Variants in GSDME observed in about 807,000 individuals in gnomAD.
GSDME encodes the protein gasdermin E, also known as gasdermin-E.
GSDME carries 44 observed loss-of-function variants against 47.5 expected under a neutral mutation model. That is an observed-to-expected ratio of 0.93 (90% CI 0.73 to 1.19). The LOEUF is 1.19. Among genes scored for constraint, GSDME ranks in the 50% most tolerant of loss-of-function variants. The probability of loss-of-function intolerance (pLI) is 0.00; values close to 1 mark genes in which losing one functional copy is unlikely to be tolerated. For missense variants in GSDME, 663 were observed against 604.2 expected, an observed-to-expected ratio of 1.10 and a Z score of -1.02; for synonymous variants, 258 against 252.8, an observed-to-expected ratio of 1.02 and a Z score of -0.20.
chr7:24,709,574 C>G (rs1347082010), intron 6 of GSDME, among the ~76,000 whole-genome samples: 1 of 152,098 alleles, frequency 6.6e-6, no homozygotes, highest in Non-Finnish European at 1.5e-5. Context: ...GTTCCTAGCT[C>G]TTTGTGCTAA....
rs1584067928 is a variant in GSDME, at chr7:24,717,493, C to T, written c.577-119G>A. 2.5e-5 allele frequency: 38 copies of T among 1,491,368 alleles called. 1 individual carries two copies. In the South Asian group the frequency reaches 3.0e-4, roughly 12 times the overall value. The allele number at this position is 1,491,368 out of a possible 1,614,324, so 92.4% of individuals were successfully genotyped here. A position where few individuals can be genotyped will look rare whatever the true frequency, so the allele number is the denominator to read the frequency against. On this transcript the variant is annotated intron_variant, in intron 4 of 9. Transcript: ENST00000645220. ...AGATGCTGAGCAATGTCCACAGAAC[C>T]GAGTGGAACAGAGGAGCCAGCCAGC...
At position 24,716,466 on chromosome 7, in the gene GSDME, TTATTA is replaced by T. The variant is rs1789558293; in HGVS notation, c.697+783_697+787del. On this transcript the variant is annotated intron_variant, in intron 5 of 9. Transcript: ENST00000645220. The surrounding 1 kb of genome is among the most constrained non-coding windows in gnomAD (Gnocchi z 4.5). ...TGTCACACCTAAAAAACTTCACAAT[TTATTA>T]TGTTACATTTACCCACTCATGTCCC... 1 of 152,464 alleles carries T rather than the reference TTATTA, an allele frequency of 6.6e-6. No homozygotes were observed. The highest frequency in any genetic ancestry group is 2.1e-4 in the South Asian group (1 of 4,822). The allele number at this position is 152,464 out of a possible 1,614,324, so 9.4% of individuals were successfully genotyped here.
intron 9 of GSDME, among the ~76,000 whole-genome samples, chr7:24,700,820 G>A (rs1788834519): frequency 6.6e-6 from 1 of 152,190 alleles, no homozygotes; most frequent in Admixed American, 6.5e-5. Flanking sequence ...ACTGGCGCAG[G>A]CTGGAGACTG....
chr7:24,767,947 G>A, the GSDME span, among the ~76,000 whole-genome samples: 4 of 152,112 alleles, frequency 2.6e-5, no homozygotes, highest in African/African-American at 4.8e-5. This position sits in a 1 kb window ranked among gnomAD's most constrained non-coding sequence, Gnocchi z 5.3. Context: ...TGTTGCTACC[G>A]ATCATATAGA....
intron 9 of GSDME, among the ~76,000 whole-genome samples, chr7:24,700,306 C>T (rs998343172): frequency 6.6e-5 from 10 of 152,144 alleles, no homozygotes; most frequent in Non-Finnish European, 4.4e-5. Flanking sequence ...TCAACACATA[C>T]TTGAAATATT....
the GSDME span, among the ~76,000 whole-genome samples, chr7:24,789,057 A>C: frequency 6.6e-6 from 1 of 152,186 alleles, no homozygotes; most frequent in Non-Finnish European, 1.5e-5. Context: ...GGATGCAGAG[A>C]TGTGACTTTA....
At chr7:24,729,856 G>A (rs936247888) in intron 3 of GSDME, among the ~76,000 whole-genome samples, 2 of 152,190 alleles carry the variant, frequency 1.3e-5, no homozygotes, top group Non-Finnish European at 2.9e-5. Context: ...AAGGGGATCC[G>A]ACTGGCTACC....
upstream of GSDME, among the ~76,000 whole-genome samples, chr7:24,759,875 TTA>T (rs1491322566): frequency 6.6e-6 from 1 of 152,220 alleles, no homozygotes; most frequent in Admixed American, 6.5e-5. Context: ...CATAACTTTT[TTA>T]AAAAAATAAT....
intron 6 of GSDME, 87 bp from the exon 7 acceptor site, chr7:24,708,341 C>G: frequency 6.7e-7 from 1 of 1,493,164 alleles, no homozygotes; most frequent in Non-Finnish European, 9.2e-7. Context: ...TATACCTAAT[C>G]GTCATCAGTT....
At chr7:24,743,063 C>T (rs917626616) in intron 3 of GSDME, among the ~76,000 whole-genome samples, 10 of 152,198 alleles carry the variant, frequency 6.6e-5, no homozygotes, top group Admixed American at 4.6e-4. Context: ...AGAAAGTGCC[C>T]GTAGGCAGTA....
chr7:24,761,238 G>T (rs1227371937), upstream of GSDME, among the ~76,000 whole-genome samples: 3 of 152,162 alleles, frequency 2.0e-5, no homozygotes, highest in Admixed American at 6.5e-5. This position sits in a 1 kb window ranked among gnomAD's most constrained non-coding sequence, Gnocchi z 4.4. Context: ...GGAGGGTCCT[G>T]GATAACTTCA....
rs10276520 is a variant in GSDME, at chr7:24,735,276, C to T, written c.404+9286G>A. ...GGACTTCATCAATACCAGATCAGTC[C>T]TACAAGAAATGCTAAAGAGAGTATT... is the stretch of plus-strand genomic sequence containing the variant. On this transcript the variant is annotated intron_variant, in intron 3 of 9. Coordinates refer to ENST00000645220, the MANE Select transcript of GSDME (RefSeq NM_001127453.2). The surrounding 1 kb of genome is among the most constrained non-coding windows in gnomAD (Gnocchi z 4.4). Among the ~76,000 whole-genome samples the T allele has an allele frequency of 0.15, 23,224 of 152,002 alleles. 1,838 individuals are homozygous for T. The highest frequency in any genetic ancestry group is 0.23 in the Middle Eastern group (68 of 294).
chr7:24,729,433 G>A (rs193107778), intron 3 of GSDME, among the ~76,000 whole-genome samples: 1 of 152,260 alleles, frequency 6.6e-6, no homozygotes, highest in African/African-American at 2.4e-5. Flanking sequence ...CCACAACAAA[G>A]GAGGCAGGGC....
At position 24,733,356 on chromosome 7, in the gene GSDME, A is replaced by T. The variant is rs1379051565; in HGVS notation, c.404+11206T>A. Among the ~76,000 whole-genome samples, 1 of 152,136 alleles carries T rather than the reference A, an allele frequency of 6.6e-6. No homozygotes were observed. The highest frequency in any genetic ancestry group is 1.5e-5 in the Non-Finnish European group (1 of 68,028). On this transcript the variant is annotated intron_variant, in intron 3 of 9. Coordinates refer to ENST00000645220, the MANE Select transcript of GSDME (RefSeq NM_001127453.2). This position sits in a 1 kb window ranked among gnomAD's most constrained non-coding sequence, Gnocchi z 4.3. The stretch of plus-strand genomic sequence containing the variant: ...GTCAGGTGTGACTCGGCACTTTCAC[A>T]GCTGTGCTGGCTATGAGGAGAGATT...
intron 5 of GSDME, among the ~76,000 whole-genome samples, chr7:24,713,785 G>A (rs1789445552): frequency 6.6e-6 from 1 of 152,218 alleles, no homozygotes; most frequent in South Asian, 2.1e-4. Context: ...GGATGGAACA[G>A]ACAGGAAAGA....
the GSDME span, among the ~76,000 whole-genome samples, chr7:24,768,653 A>G: frequency 6.6e-6 from 1 of 152,196 alleles, no homozygotes; most frequent in African/African-American, 2.4e-5. The surrounding 1 kb of genome is among the most constrained non-coding windows in gnomAD (Gnocchi z 5.6). Flanking sequence ...CAACCCTTGA[A>G]ACGTCAGCCT....
At position 24,740,092 on chromosome 7, in the gene GSDME, C is replaced by CA. The variant is rs35581523; in HGVS notation, c.404+4469dup. 6.5e-3 allele frequency among the ~76,000 whole-genome samples: 876 copies of CA among 134,648 alleles called. 3 individuals carry two copies. The highest frequency in any genetic ancestry group is 9.5e-3 in the Non-Finnish European group (570 of 59,910). 88.3% of individuals were successfully genotyped at this position (134,648 alleles called of 152,430 possible). On this transcript the variant is annotated intron_variant, in intron 3 of 9. Transcript: ENST00000645220. ...TGGGTGACAGAGCAAGACTCCATCT[C>CA]AAAAAAAAAAAAAGGATAAGATCCT... is the stretch of plus-strand genomic sequence containing the variant.
rs1272207753 is a variant in GSDME at position 24,745,744 on chromosome 7, G to C, written c.212-990C>G. Among the ~76,000 whole-genome samples, 1 of 152,140 alleles carries C rather than the reference G, an allele frequency of 6.6e-6. No homozygotes were observed. The highest frequency in any genetic ancestry group is 1.5e-5 in the Non-Finnish European group (1 of 68,034). On this transcript the variant is annotated intron_variant, in intron 2 of 9. Transcript: ENST00000645220. The surrounding 1 kb of genome is among the most constrained non-coding windows in gnomAD (Gnocchi z 4.4). The stretch of plus-strand genomic sequence containing the variant: ...CACCAGCTACCCTAGAGGCTGAGGT[G>C]AGAGGATCACCTGAACCCAGGAGTA...
the GSDME span, among the ~76,000 whole-genome samples, chr7:24,783,933 G>T: frequency 6.6e-6 from 1 of 152,210 alleles, no homozygotes; most frequent in African/African-American, 2.4e-5. Context: ...TGCCCCAGGG[G>T]ATTTCCACAG....
Sources: allele counts gnomAD v4.1 joint callset (sites outside exome capture counted in the v4.1 genomes callset), GRCh38; gene constraint gnomAD v4.1.1; non-coding constraint Gnocchi (gnomAD v3.1); transcripts MANE v1.5; gene names NCBI Gene and HGNC (gene_info 2026-07-23, HGNC 2026-07-21).